Variants in NRXN1 observed in about 807,000 individuals in gnomAD.
NRXN1 encodes neurexin 1, also known as neurexin-1.
NRXN1 carries 39 observed loss-of-function variants against 150.9 expected under a neutral mutation model. The ratio of observed to expected loss-of-function variants is 0.26; its 90% confidence interval spans 0.20 to 0.34. The LOEUF is 0.34. Ranked by LOEUF, NRXN1 falls within the 10% of genes least tolerant of loss-of-function variation. NRXN1 has a pLI of 1.00. For missense variants in NRXN1, 1,815 were observed against 1,949.9 expected (o/e 0.93, Z 1.30); for synonymous variants, 924 against 757.0 (o/e 1.22, Z -3.62).
intron 2 of NRXN1, among the ~76,000 whole-genome samples, chr2:51,019,097 C>T (rs991187309): frequency 6.6e-6 from 1 of 152,010 alleles, no homozygotes; most frequent in African/African-American, 2.4e-5. Flanking sequence ...TAGTACCAAC[C>T]TGAAAACTAG....
chr2:50,131,069 G>A (rs1705409052), intron 18 of NRXN1, among the ~76,000 whole-genome samples: 1 of 152,144 alleles, frequency 6.6e-6, no homozygotes, highest in Non-Finnish European at 1.5e-5. Flanking sequence ...GAGCACCTCT[G>A]AAACTCATTT....
chr2:50,001,052 A>C (rs2152533595), intron 21 of NRXN1, among the ~76,000 whole-genome samples: 1 of 152,294 alleles, frequency 6.6e-6, no homozygotes, highest in South Asian at 2.1e-4. Flanking sequence ...AAGGAAAGAG[A>C]GAATAGGTAC....
rs1045062804 is a variant in NRXN1 at position 51,015,012 on chromosome 2, T to C, written c.772+12490A>G. Among the ~76,000 whole-genome samples the C allele has an allele frequency of 2.6e-5, 4 of 152,168 alleles. No homozygotes were observed. The South Asian group carries it at 8.3e-4, about 32-fold the overall frequency. ...ACAATTACGTATTTATTCTTGTCTT[T>C]TCCTTCCTATTTCCCTTTTTGGCTT... On this transcript the variant is annotated intron_variant, in intron 2 of 22. Coordinates refer to ENST00000401669, the MANE Select transcript of NRXN1 (RefSeq NM_001330078.2).
chr2:50,537,000 T>C (rs566509992), intron 10 of NRXN1, among the ~76,000 whole-genome samples: 117 of 152,252 alleles, frequency 7.7e-4, no homozygotes, highest in African/African-American at 2.8e-3. Flanking sequence ...CAGCATATGG[T>C]AAGTGGTTTA....
chr2:50,748,523 T>C (rs528413833), intron 5 of NRXN1, among the ~76,000 whole-genome samples: 49 of 152,196 alleles, frequency 3.2e-4, no homozygotes, highest in Admixed American at 2.9e-3. Flanking sequence ...CCCATAAGCA[T>C]AGAAATTTAT....
intron 18 of NRXN1, among the ~76,000 whole-genome samples, chr2:50,204,030 C>A (rs1196088468): frequency 6.6e-6 from 1 of 152,068 alleles, no homozygotes; most frequent in African/African-American, 2.4e-5. Context: ...TCTATGTATA[C>A]ATTATACAGT....
intron 18 of NRXN1, among the ~76,000 whole-genome samples, chr2:50,128,443 G>A (rs917404369): frequency 3.3e-5 from 5 of 152,050 alleles, no homozygotes; most frequent in African/African-American, 4.8e-5. Context: ...AGTAAAAGAA[G>A]GGCCACCTCA....
At chr2:49,976,545 C>T (rs965000380) in intron 21 of NRXN1, among the ~76,000 whole-genome samples, 2 of 151,962 alleles carry the variant, frequency 1.3e-5, no homozygotes, top group African/African-American at 4.8e-5. Context: ...AAGAGCATGA[C>T]TGGTATGTTT....
chr2:50,813,254 A>T (rs1205896580), intron 5 of NRXN1, among the ~76,000 whole-genome samples: 1 of 152,168 alleles, frequency 6.6e-6, no homozygotes, highest in East Asian at 1.9e-4. Context: ...AATGATGCAC[A>T]GCCATGAATT....
rs2080899606 is a variant in NRXN1 at position 50,380,752 on chromosome 2, G to C, written c.3364+84690C>G. 3.3e-5 allele frequency among the ~76,000 whole-genome samples: 5 copies of C among 152,078 alleles called. No individual in the cohort carries two copies. The South Asian group carries it at 8.3e-4, about 25-fold the overall frequency. On this transcript the variant is annotated intron_variant, in intron 17 of 22. Transcript: ENST00000401669. The stretch of plus-strand genomic sequence containing the variant: ...TTAATAATAAAAGCCACCCGTTATA[G>C]TGCAGTACTGTTACCATAACAAAGC...
chr2:50,678,813 TG>T (rs1303871809), intron 5 of NRXN1, among the ~76,000 whole-genome samples: 2 of 151,536 alleles, frequency 1.3e-5, no homozygotes, highest in African/African-American at 2.4e-5. Context: ...AGGCAAGAGG[TG>T]GGGGAGTAGA....
chr2:50,348,426 T>C (rs1459259399), intron 17 of NRXN1, among the ~76,000 whole-genome samples: 1 of 152,142 alleles, frequency 6.6e-6, no homozygotes, highest in Non-Finnish European at 1.5e-5. Flanking sequence ...TGAATAAAAT[T>C]GCTTGTATTT....
At chr2:50,482,071 C>G (rs1021982692) in intron 15 of NRXN1, among the ~76,000 whole-genome samples, 2 of 152,000 alleles carry the variant, frequency 1.3e-5, no homozygotes, top group Admixed American at 6.6e-5. Flanking sequence ...CCCGGCCGAA[C>G]TTTTGTTTCT....
intron 2 of NRXN1, among the ~76,000 whole-genome samples, chr2:50,934,855 T>C (rs547986520): frequency 6.6e-6 from 1 of 152,306 alleles, no homozygotes; most frequent in East Asian, 1.9e-4. Flanking sequence ...AAAATTTTAT[T>C]GTATTCATTT....
chr2:50,634,363 T>C (rs527568024), intron 5 of NRXN1, among the ~76,000 whole-genome samples: 2 of 152,190 alleles, frequency 1.3e-5, no homozygotes, highest in Non-Finnish European at 2.9e-5. Flanking sequence ...ACATGAGCAG[T>C]TGGGTAAATA....
intron 19 of NRXN1, among the ~76,000 whole-genome samples, chr2:50,079,816 G>A (rs969287041): frequency 6.6e-6 from 1 of 151,998 alleles, no homozygotes; most frequent in Admixed American, 6.6e-5. Flanking sequence ...ATGTTTTAAA[G>A]TTTCCTAAAT....
intron 5 of NRXN1, among the ~76,000 whole-genome samples, chr2:50,634,412 G>A (rs1424658995): frequency 6.6e-6 from 1 of 152,002 alleles, no homozygotes; most frequent in Non-Finnish European, 1.5e-5. Flanking sequence ...AGTAAATGAA[G>A]ACAATAATAC....
At chr2:49,927,244 T>G (rs891292527) in intron 22 of NRXN1, among the ~76,000 whole-genome samples, 1 of 152,238 alleles carries the variant, frequency 6.6e-6, no homozygotes, top group Non-Finnish European at 1.5e-5. Flanking sequence ...CATATTGGCA[T>G]GATTACTTTT....
intron 18 of NRXN1, among the ~76,000 whole-genome samples, chr2:50,125,624 A>C (rs144932758): frequency 2.6e-5 from 4 of 152,150 alleles, no homozygotes; most frequent in African/African-American, 9.6e-5. Context: ...TCTTGGCTTT[A>C]ATATTAATAT....
Sources: gnomAD v4.1 joint callset for allele counts (sites outside exome capture counted in the v4.1 genomes callset) on GRCh38, gnomAD v4.1.1 for gene constraint, MANE v1.5 for transcripts, NCBI Gene and HGNC (gene_info 2026-07-23, HGNC 2026-07-21) for gene names.